Variants in SLC30A6 observed in about 807,000 individuals in gnomAD.
SLC30A6 encodes zinc transporter 6.
Under a neutral mutation model 63.0 loss-of-function variants are expected in SLC30A6, and 55 were observed. That is an observed-to-expected ratio of 0.87 (90% CI 0.70 to 1.09). The LOEUF is 1.09. Among genes scored for constraint, SLC30A6 ranks in the 50% least tolerant of loss-of-function variants. The probability of loss-of-function intolerance (pLI) is 0.00; values close to 1 mark genes in which losing one functional copy is unlikely to be tolerated. For synonymous variants in SLC30A6, 224 were observed against 186.1 expected, an observed-to-expected ratio of 1.20 and a Z score of -1.66; for missense variants, 587 against 549.2, an observed-to-expected ratio of 1.07 and a Z score of -0.69.
chr2:32,204,893 C>T (rs1037113259), intron 11 of SLC30A6, among the ~76,000 whole-genome samples: 7 of 150,828 alleles, frequency 4.6e-5, no homozygotes, highest in South Asian at 2.1e-4. Flanking sequence ...GGCTCACTGC[C>T]GCCTTGACCT....
Position 32,191,014 on chromosome 2 carries a change from T to G in SLC30A6, c.285-1322T>G, listed in dbSNP as rs144613765. ...AGATTCTCTTTTCTGTACAATTTGG[T>G]GTATTTGTACTTGGATTAGTACTGC... On this transcript the variant is annotated intron_variant, in intron 5 of 13. Transcript: ENST00000282587. Among the ~76,000 whole-genome samples, 21 of 152,344 alleles carry G rather than the reference T, an allele frequency of 1.4e-4. No individual in the cohort carries two copies. The East Asian group carries it at 4.0e-3, about 29-fold the overall frequency.
At chr2:32,205,793 G>T (rs571714489) in intron 11 of SLC30A6, among the ~76,000 whole-genome samples, 1 of 149,262 alleles carries the variant, frequency 6.7e-6, no homozygotes, top group African/African-American at 2.5e-5. Context: ...TCAGCATCCC[G>T]AGTAGCTGGG....
chr2:32,218,787 C>T (rs1395503044), intron 13 of SLC30A6, among the ~76,000 whole-genome samples: 1 of 152,222 alleles, frequency 6.6e-6, no homozygotes, highest in East Asian at 1.9e-4. Context: ...AAACTCCTGA[C>T]CTCAGGTGAT....
chr2:32,169,300 C>G (rs544663113), intron 1 of SLC30A6, among the ~76,000 whole-genome samples: 18 of 152,210 alleles, frequency 1.2e-4, no homozygotes, highest in Middle Eastern at 3.4e-3. Context: ...TCCTGAGTAG[C>G]TGGGACTACA....
intron 13 of SLC30A6, among the ~76,000 whole-genome samples, chr2:32,210,199 A>G (rs1275754787): frequency 6.6e-6 from 1 of 152,206 alleles, no homozygotes; most frequent in Admixed American, 6.5e-5. Flanking sequence ...TGGTGTTTAT[A>G]CATTTATTTT....
intron 4 of SLC30A6, 62 bp downstream of exon 4, chr2:32,175,423 T>G: frequency 7.0e-7 from 1 of 1,426,430 alleles, no homozygotes; most frequent in Non-Finnish European, 9.7e-7. Flanking sequence ...AAATGTGGTA[T>G]AGCCATACAA....
chr2:32,187,981 C>G (rs1682988653), intron 5 of SLC30A6, among the ~76,000 whole-genome samples: 1 of 152,186 alleles, frequency 6.6e-6, no homozygotes, highest in East Asian at 1.9e-4. Flanking sequence ...TATTATCCCT[C>G]TCCCCTTAAA....
intron 8 of SLC30A6, 99 bp from the exon 9 acceptor site, chr2:32,197,245 C>A: frequency 9.6e-7 from 1 of 1,039,304 alleles, no homozygotes; most frequent in Non-Finnish European, 1.4e-6. Context: ...GTTATTCAGT[C>A]ACTGCCAAAT....
intron 5 of SLC30A6, among the ~76,000 whole-genome samples, chr2:32,185,860 C>T (rs1682756971): frequency 6.6e-6 from 1 of 151,116 alleles, no homozygotes; most frequent in Non-Finnish European, 1.5e-5. Context: ...CCTGGGATTA[C>T]AGGTGTGTGC....
chr2:32,190,268 G>A (rs1190191873), intron 5 of SLC30A6, among the ~76,000 whole-genome samples: 2 of 152,156 alleles, frequency 1.3e-5, no homozygotes, highest in South Asian at 2.1e-4. Context: ...AAACCAGCCT[G>A]ACCAACATGG....
intron 1 of SLC30A6, among the ~76,000 whole-genome samples, chr2:32,167,663 A>AAC (rs113548357): frequency 0.093 from 13,981 of 150,712 alleles, 708 homozygotes; most frequent in Middle Eastern, 0.14. Context: ...TATATGCACA[A>AAC]ACACACACAC....
At chr2:32,185,832 G>C (rs1682753016) in intron 5 of SLC30A6, among the ~76,000 whole-genome samples, 1 of 151,534 alleles carries the variant, frequency 6.6e-6, no homozygotes, top group Non-Finnish European at 1.5e-5. Context: ...CGATTCTTCT[G>C]CCTCAGCCTC....
intron 12 of SLC30A6, 81 bp downstream of exon 12, chr2:32,207,014 C>T: frequency 2.6e-6 from 3 of 1,141,996 alleles, no homozygotes; most frequent in Non-Finnish European, 3.9e-6. Flanking sequence ...CTTTATTCAA[C>T]TCTACCTAGA....
At chr2:32,211,792 T>TC (rs2148899245) in intron 13 of SLC30A6, among the ~76,000 whole-genome samples, 1 of 151,554 alleles carries the variant, frequency 6.6e-6, no homozygotes, top group East Asian at 1.9e-4. Flanking sequence ...TAATTTTTGT[T>TC]TTTTTTTAGT....
At chr2:32,174,849 G>A (rs571194578) in intron 3 of SLC30A6, among the ~76,000 whole-genome samples, 97 of 152,076 alleles carry the variant, frequency 6.4e-4, no homozygotes, top group Non-Finnish European at 1.3e-3. Flanking sequence ...ACCGTGCCTG[G>A]CTGGAGATTT....
rs1315838777 is a variant in SLC30A6, at chr2:32,221,456, C to G, written c.*743C>G. ...ATTAGGTGTGAGCCACCGCACCTGGCCGATATTTTCTTTAATGAAATTTAT... is the reference window on the plus strand; with the variant it reads ...ATTAGGTGTGAGCCACCGCACCTGGGCGATATTTTCTTTAATGAAATTTAT... On this transcript the variant is annotated 3_prime_UTR_variant, in exon 14 of 14. Coordinates refer to ENST00000282587, the MANE Select transcript of SLC30A6 (RefSeq NM_017964.5). 4.6e-5 allele frequency: 7 copies of G among 152,076 alleles called. No individual in the cohort carries two copies. The highest frequency in any genetic ancestry group is 8.8e-5 in the Non-Finnish European group (6 of 68,010). The allele number at this position is 152,076 out of a possible 1,614,324, so 9.4% of individuals were successfully genotyped here.
intron 5 of SLC30A6, among the ~76,000 whole-genome samples, chr2:32,191,542 GTC>G: frequency 6.6e-6 from 1 of 152,284 alleles, no homozygotes; most frequent in African/African-American, 2.4e-5. Flanking sequence ...CTGGCTTATA[GTC>G]TAGGGATTAT....
intron 13 of SLC30A6, among the ~76,000 whole-genome samples, chr2:32,214,093 G>A (rs1164867455): frequency 2.0e-5 from 3 of 152,044 alleles, no homozygotes; most frequent in South Asian, 2.1e-4. Flanking sequence ...CATGCCCCAC[G>A]TCTGGCTAAT....
intron 13 of SLC30A6, among the ~76,000 whole-genome samples, chr2:32,211,937 A>G (rs988448865): frequency 2.6e-5 from 4 of 152,156 alleles, no homozygotes; most frequent in Admixed American, 2.0e-4. Flanking sequence ...CACGCTTTTG[A>G]TAATGCTGTT....
Sources: gnomAD v4.1 joint callset for allele counts (sites outside exome capture counted in the v4.1 genomes callset) on GRCh38, gnomAD v4.1.1 for gene constraint, MANE v1.5 for transcripts, NCBI Gene and HGNC (gene_info 2026-07-23, HGNC 2026-07-21) for gene names.